PLCXD3: variants seen among roughly 807,000 people sequenced by gnomAD.
PLCXD3 encodes the protein phosphatidylinositol specific phospholipase C X domain containing 3, also known as PI-PLC X domain-containing protein 3.
PLCXD3 carries 19 observed loss-of-function variants against 25.5 expected under a neutral mutation model. The observed-to-expected ratio is 0.75, with a 90% CI of 0.52 to 1.09. PLCXD3 has a LOEUF of 1.09. Ranked by LOEUF, PLCXD3 falls within the 50% of genes least tolerant of loss-of-function variation. The probability of loss-of-function intolerance (pLI) is 0.00; values close to 1 mark genes in which losing one functional copy is unlikely to be tolerated. For missense variants in PLCXD3, 411 were observed against 388.1 expected, an observed-to-expected ratio of 1.06 and a Z score of -0.50; for synonymous variants, 174 against 137.6, an observed-to-expected ratio of 1.26 and a Z score of -1.85.
At chr5:41,502,245 T>C (rs1212700252) in intron 1 of PLCXD3, among the ~76,000 whole-genome samples, 1 of 152,084 alleles carries the variant, frequency 6.6e-6, no homozygotes, top group Non-Finnish European at 1.5e-5. Flanking sequence ...AATAGATGCA[T>C]TGTGGGTTCA....
At chr5:41,481,660 T>A (rs1489712765) in intron 1 of PLCXD3, among the ~76,000 whole-genome samples, 1 of 152,164 alleles carries the variant, frequency 6.6e-6, no homozygotes, top group Non-Finnish European at 1.5e-5. Context: ...ATAACAAGTA[T>A]GATATGATTC....
chr5:41,401,805 ATTTAC>A (rs1174540460), intron 1 of PLCXD3, among the ~76,000 whole-genome samples: 1 of 152,014 alleles, frequency 6.6e-6, no homozygotes, highest in Non-Finnish European at 1.5e-5. Context: ...AAATGAGGCT[ATTTAC>A]TTAACTAACT....
At position 41,421,688 on chromosome 5, in the gene PLCXD3, G is replaced by A. The variant is rs372012185; in HGVS notation, c.104-39154C>T. ...TGCAGTCAGGCCTGGGCGAAAGAGC[G>A]AGACTCCTTCTCAAAAAAACAAAAC... On this transcript the variant is annotated intron_variant, in intron 1 of 2. Coordinates refer to ENST00000377801, the MANE Select transcript of PLCXD3 (RefSeq NM_001005473.3). Among the ~76,000 whole-genome samples the A allele has an allele frequency of 6.6e-5, 10 of 152,232 alleles. No homozygotes were observed. The South Asian group carries it at 1.2e-3, about 19-fold the overall frequency.
intron 1 of PLCXD3, among the ~76,000 whole-genome samples, chr5:41,383,742 C>G (rs1403772382): frequency 6.6e-6 from 1 of 151,906 alleles, no homozygotes; most frequent in Non-Finnish European, 1.5e-5. Flanking sequence ...TTTCCTAGTT[C>G]TTTCACTCCC....
chr5:41,497,950 G>A (rs1054633404), intron 1 of PLCXD3, among the ~76,000 whole-genome samples: 1 of 151,434 alleles, frequency 6.6e-6, no homozygotes, highest in African/African-American at 2.4e-5. Flanking sequence ...CAACCAATTG[G>A]TCAAACAAGA....
At chr5:41,446,143 C>T (rs1258955575) in intron 1 of PLCXD3, among the ~76,000 whole-genome samples, 2 of 123,298 alleles carry the variant, frequency 1.6e-5, no homozygotes, top group African/African-American at 5.9e-5. Flanking sequence ...CGCCACAGCA[C>T]TCCAGTCTGG....
intron 1 of PLCXD3, among the ~76,000 whole-genome samples, chr5:41,478,467 ATTAATTATC>A (rs1748327335): frequency 6.6e-6 from 1 of 152,172 alleles, no homozygotes. Context: ...CTCCTATAAT[ATTAATTATC>A]TAAAACATCA....
rs1743175549 is a variant in PLCXD3 at position 41,312,835 on chromosome 5, G to A, written c.*782C>T. 4 of 152,222 alleles carry A rather than the reference G, an allele frequency of 2.6e-5. No individual in the cohort carries two copies. The highest frequency in any genetic ancestry group is 6.6e-5 in the Admixed American group (1 of 15,166). 9.4% of individuals were successfully genotyped at this position (152,222 alleles called of 1,614,324 possible). ...CACACTTGTACCTTACCATTTACTG[G>A]GTACTTGCAGGGCAATATTATTTAA... On this transcript the variant is annotated 3_prime_UTR_variant, in exon 3 of 3. Coordinates refer to ENST00000377801, the MANE Select transcript of PLCXD3 (RefSeq NM_001005473.3).
At chr5:41,322,440 C>A (rs1014720211) in intron 2 of PLCXD3, among the ~76,000 whole-genome samples, 1 of 152,128 alleles carries the variant, frequency 6.6e-6, no homozygotes, top group African/African-American at 2.4e-5. Context: ...GAAAAGGGAA[C>A]CCTTGTATAC....
At chr5:41,428,344 G>GTC (rs1207635190) in intron 1 of PLCXD3, among the ~76,000 whole-genome samples, 1 of 148,702 alleles carries the variant, frequency 6.7e-6, no homozygotes. Flanking sequence ...TCAGAATAGG[G>GTC]TCTTTAAAGA....
At chr5:41,392,703 A>G (rs915547477) in intron 1 of PLCXD3, among the ~76,000 whole-genome samples, 1 of 152,208 alleles carries the variant, frequency 6.6e-6, no homozygotes, top group African/African-American at 2.4e-5. Flanking sequence ...TGACCTCACC[A>G]AATTAACTAA....
At chr5:41,347,816 G>T (rs1744343674) in intron 2 of PLCXD3, among the ~76,000 whole-genome samples, 1 of 152,186 alleles carries the variant, frequency 6.6e-6, no homozygotes, top group African/African-American at 2.4e-5. Context: ...AAGACTGAGA[G>T]AGGAAAAACA....
At chr5:41,403,226 A>G (rs1253529103) in intron 1 of PLCXD3, among the ~76,000 whole-genome samples, 2 of 151,496 alleles carry the variant, frequency 1.3e-5, no homozygotes, top group African/African-American at 2.4e-5. Context: ...AGAATTTTCA[A>G]TATCACTTTA....
At chr5:41,413,864 A>G (rs1323241132) in intron 1 of PLCXD3, among the ~76,000 whole-genome samples, 5 of 152,176 alleles carry the variant, frequency 3.3e-5, no homozygotes, top group African/African-American at 1.2e-4. Flanking sequence ...TTTTTCAAAT[A>G]TTTATTTTTT....
intron 1 of PLCXD3, among the ~76,000 whole-genome samples, chr5:41,451,878 G>T (rs1747640329): frequency 6.6e-6 from 1 of 151,954 alleles, no homozygotes; most frequent in Admixed American, 6.6e-5. Context: ...CTTCTTGTTG[G>T]ATTGGAGGCT....
At position 41,312,092 on chromosome 5, in the gene PLCXD3, G is replaced by GT. The variant is rs34664524; in HGVS notation, c.*1524dup. On this transcript the variant is annotated 3_prime_UTR_variant, in exon 3 of 3. Transcript: ENST00000377801. ...ATAGGCAAGGATTATTGTGCTCTAA[G>GT]TTTTTTTTTTTTATTTTTTAGAGTT... The GT allele has an allele frequency of 0.16, 23,676 of 147,588 alleles. 3,004 individuals carry two copies. The highest frequency in any genetic ancestry group is 0.36 in the East Asian group (1,812 of 5,062). 9.1% of individuals were successfully genotyped at this position (147,588 alleles called of 1,614,324 possible).
rs1412755958 is a variant in PLCXD3, at chr5:41,442,775, C to T, written c.104-60241G>A. Among the ~76,000 whole-genome samples the T allele has an allele frequency of 2.0e-5, 3 of 152,102 alleles. No homozygotes were observed. In the East Asian group the frequency reaches 5.8e-4, roughly 29 times the overall value. On this transcript the variant is annotated intron_variant, in intron 1 of 2. Coordinates refer to ENST00000377801, the MANE Select transcript of PLCXD3 (RefSeq NM_001005473.3). ...TCATTAGCTAGCCCTTAATCCCTTCCCTCACCCAAACACTTCAAATCAAAT... is the reference window on the plus strand; with the variant it reads ...TCATTAGCTAGCCCTTAATCCCTTCTCTCACCCAAACACTTCAAATCAAAT...
intron 1 of PLCXD3, among the ~76,000 whole-genome samples, chr5:41,482,807 C>T (rs958322923): frequency 5.9e-5 from 9 of 152,164 alleles, no homozygotes; most frequent in Admixed American, 5.2e-4. Flanking sequence ...CTCACATTTA[C>T]CATCTTAACA....
intron 1 of PLCXD3, among the ~76,000 whole-genome samples, chr5:41,393,755 T>A (rs554509129): frequency 3.6e-4 from 55 of 151,490 alleles, no homozygotes; most frequent in African/African-American, 1.3e-3. Flanking sequence ...CCGTCTCTAC[T>A]AAAAATACAA....
Sources: allele counts gnomAD v4.1 joint callset (sites outside exome capture counted in the v4.1 genomes callset), GRCh38; gene constraint gnomAD v4.1.1; transcripts MANE v1.5; gene names NCBI Gene and HGNC (gene_info 2026-07-23, HGNC 2026-07-21).